The following ITPR2 variants were observed in gnomAD, a reference collection of about 807,000 sequenced individuals.
The protein encoded by ITPR2 is inositol 1,4,5-trisphosphate-gated calcium channel ITPR2.
ITPR2 carries 207 observed loss-of-function variants against 317.1 expected under a neutral mutation model. The observed-to-expected ratio is 0.65, with a 90% confidence interval of 0.58 to 0.73. ITPR2 has a LOEUF of 0.73. Among genes scored for constraint, ITPR2 ranks in the 30% least tolerant of loss-of-function variants. The pLI is 0.00. For synonymous variants in ITPR2, 1,156 were observed against 1,149.1 expected (o/e 1.01, Z -0.12); for missense variants, 2,613 against 3,284.0 (o/e 0.80, Z 4.99).
At chr12:26,604,613 G>A (rs533620884) in intron 26 of ITPR2, among the ~76,000 whole-genome samples, 4 of 152,220 alleles carry the variant, frequency 2.6e-5, no homozygotes, top group African/African-American at 9.6e-5. Flanking sequence ...AATGCAAAAA[G>A]TAAAAGATCA....
Position 26,596,954 on chromosome 12 carries a change from T to C in ITPR2, c.4183A>G (p.Ile1395Val). 6.2e-7 allele frequency: 1 copy of C among 1,610,450 alleles called. No individual in the cohort carries two copies. The highest frequency in any genetic ancestry group is 8.5e-7 in the Non-Finnish European group (1 of 1,177,902). The change falls in exon 31 of 57, where the codon ATC becomes GTC. Residue 1395 changes from isoleucine to valine, a missense_variant. Physicochemically the swap from Ile to Val is conservative, Grantham distance 29. Around this residue, in one of 9 missense-constraint regions of ITPR2, gnomAD observed 3 missense variants for 16.3 expected, o/e 0.18. Transcript: ENST00000381340. ...AGCGGGAGAAGGGAATTACACTTGATTTCAGTGTAGACATTTTTCCCCTCT... is the reference window on the plus strand; with the variant it reads ...AGCGGGAGAAGGGAATTACACTTGACTTCAGTGTAGACATTTTTCCCCTCT... ...CTEGKNVYTE[I>V]KCNSLLPLDD... is the part of the protein sequence containing the mutation.
chr12:26,385,295 A>G (rs918791488), intron 55 of ITPR2, among the ~76,000 whole-genome samples: 1 of 152,110 alleles, frequency 6.6e-6, no homozygotes, highest in East Asian at 1.9e-4. Context: ...TTCTTCTCTG[A>G]CCAGCTTGCC....
rs552592813 is a variant in ITPR2 at position 26,759,170 on chromosome 12, G to A, written c.163+30987C>T. 9.8e-5 allele frequency among the ~76,000 whole-genome samples: 15 copies of A among 152,294 alleles called. No individual in the cohort carries two copies. The South Asian group carries it at 2.7e-3, about 27-fold the overall frequency. ...TCAAAAAAGAAACACCCCCTCCCCA[G>A]ATGTAGGTGAACTGGGCCATTACCC... is the stretch of plus-strand genomic sequence containing the variant. On this transcript the variant is annotated intron_variant, in intron 2 of 56. Transcript: ENST00000381340.
intron 37 of ITPR2, among the ~76,000 whole-genome samples, chr12:26,524,283 G>A (rs1170800955): frequency 6.6e-6 from 1 of 152,164 alleles, no homozygotes; most frequent in African/African-American, 2.4e-5. Flanking sequence ...ATAACCAACT[G>A]ACAAATATGA....
Position 26,711,279 on chromosome 12 carries a change from A to T in ITPR2, c.856-11T>A. On this transcript the variant is annotated splice_polypyrimidine_tract_variant and intron_variant, in intron 8 of 56. Transcript: ENST00000381340. ...GTCATGATGAACCACCTACAAAGAG[A>T]GCAACGATAGTAATGGCAAAACAAT... is the stretch of plus-strand genomic sequence containing the variant. 6.3e-7 allele frequency: 1 copy of T among 1,577,702 alleles called. No individual in the cohort carries two copies. The highest frequency in any genetic ancestry group is 8.7e-7 in the Non-Finnish European group (1 of 1,146,878).
At chr12:26,658,329 A>G (rs906372133) in intron 16 of ITPR2, among the ~76,000 whole-genome samples, 199 bp from the exon 17 acceptor site, 14 of 152,238 alleles carry the variant, frequency 9.2e-5, no homozygotes, top group African/African-American at 3.4e-4. Flanking sequence ...TTTATTTAAT[A>G]TAAGTCTTGT....
chr12:26,803,339 T>C (rs998625673), intron 1 of ITPR2, among the ~76,000 whole-genome samples: 9 of 149,980 alleles, frequency 6.0e-5, no homozygotes, highest in Non-Finnish European at 1.2e-4. Context: ...CCCAGCACAG[T>C]GACTGGCATA....
chr12:26,428,124 A>G (rs1332718692), intron 48 of ITPR2, 36 bp from the exon 49 acceptor site: 1 of 1,496,932 alleles, frequency 6.7e-7, no homozygotes, highest in South Asian at 1.3e-5. Context: ...GCTACTAAGA[A>G]TAAAACTAAA....
intron 37 of ITPR2, among the ~76,000 whole-genome samples, chr12:26,538,130 G>A (rs1944151429): frequency 6.6e-6 from 1 of 152,210 alleles, no homozygotes. Flanking sequence ...ATGGGCTCTA[G>A]GGCCAGATTG....
At chr12:26,775,933 C>CAT in intron 2 of ITPR2, among the ~76,000 whole-genome samples, 14,866 of 85,388 alleles carry the variant, frequency 0.17, 3,254 homozygotes, top group African/African-American at 0.31. Context: ...CTCCCCTTTA[C>CAT]ATATATATAT....
intron 32 of ITPR2, 54 bp from the exon 33 acceptor site, chr12:26,580,209 T>C: frequency 1.3e-6 from 2 of 1,551,190 alleles, no homozygotes; most frequent in South Asian, 1.2e-5. Flanking sequence ...TAAACCACAA[T>C]TCAGTATTGG....
intron 55 of ITPR2, among the ~76,000 whole-genome samples, chr12:26,341,490 C>T (rs1300582974): frequency 6.6e-6 from 1 of 152,160 alleles, no homozygotes; most frequent in Non-Finnish European, 1.5e-5. Flanking sequence ...TCTTACCTGG[C>T]CCTTGGGTTG....
chr12:26,775,959 T>TATATATATATATACACACATA (rs1263788006), intron 2 of ITPR2, among the ~76,000 whole-genome samples: 5 of 145,076 alleles, frequency 3.4e-5, no homozygotes, highest in Non-Finnish European at 7.7e-5. Flanking sequence ...TATATGTATA[T>TATATATATATATACACACATA]CCTATTAGTT....
intron 32 of ITPR2, 26 bp downstream of exon 32, chr12:26,595,439 C>A: frequency 1.9e-6 from 3 of 1,593,238 alleles, no homozygotes; most frequent in South Asian, 1.2e-5. Flanking sequence ...CTATTGACAC[C>A]CTTCAGTAGT....
At chr12:26,704,042 G>C (rs1199776262) in intron 9 of ITPR2, among the ~76,000 whole-genome samples, 1 of 152,158 alleles carries the variant, frequency 6.6e-6, no homozygotes, top group Non-Finnish European at 1.5e-5. Context: ...AGTAACTGTG[G>C]CATTATCCAG....
chr12:26,405,829 A>C (rs1940330327), intron 52 of ITPR2, among the ~76,000 whole-genome samples: 1 of 152,184 alleles, frequency 6.6e-6, no homozygotes, highest in Non-Finnish European at 1.5e-5. Context: ...GTGGTGGTGC[A>C]TGCCTGTAAT....
rs763824951 is a variant in ITPR2 at position 26,722,529 on chromosome 12, A to T, written c.393T>A (p.Tyr131Ter). 1 of 1,612,768 alleles carries T rather than the reference A, an allele frequency of 6.2e-7. No individual in the cohort carries two copies. Among genetic ancestry groups the T allele is most frequent in the Non-Finnish European group, 8.5e-7 (1 of 1,179,166 alleles). ...CAGGTAATCTCTTGTTGACAGTAAGATATTTGTTGCTTTTTATATGCAGTA... is the reference window on the plus strand; with the variant it reads ...CAGGTAATCTCTTGTTGACAGTAAGTTATTTGTTGCTTTTTATATGCAGTA... ...IQLLHIKSNKYLTVNKRLPAL... is the reference protein window; with the variant it reads ...IQLLHIKSNK The change falls in exon 5 of 57, where the codon TAT (tyrosine) becomes TAA (stop). Residue 131 changes from tyrosine (Y) to a stop codon, truncating the protein, a stop_gained. Transcript: ENST00000381340. LOFTEE classifies it high-confidence loss of function.
At chr12:26,516,275 G>GGAAAGGAAGGGAAAGGAAGGGAAA (rs1565574550) in intron 37 of ITPR2, among the ~76,000 whole-genome samples, 1 of 37,806 alleles carries the variant, frequency 2.6e-5, no homozygotes, top group African/African-American at 9.9e-5. Flanking sequence ...AGGAAAGGAA[G>GGAAAGGAAGGGAAAGGAAGGGAAA]GGAAGGGAAG....
At chr12:26,437,576 C>T (rs541422413) in intron 47 of ITPR2, among the ~76,000 whole-genome samples, 1 of 152,288 alleles carries the variant, frequency 6.6e-6, no homozygotes, top group East Asian at 1.9e-4. Context: ...ATAACAAATT[C>T]TCACTATTGA....
Sources: gnomAD v4.1 joint callset for allele counts (sites outside exome capture counted in the v4.1 genomes callset) on GRCh38, gnomAD v4.1.1 for gene constraint, gnomAD v4.1.1 regional missense constraint, MANE v1.5 for transcripts, NCBI Gene and HGNC (gene_info 2026-07-23, HGNC 2026-07-21) for gene names.